The following BIN3 variants were observed in gnomAD, a reference collection of about 807,000 sequenced individuals.
BIN3 encodes bridging integrator 3.
BIN3 carries 41 observed loss-of-function variants against 38.2 expected under a neutral mutation model. The ratio of observed to expected loss-of-function variants is 1.07; its 90% CI spans 0.84 to 1.39. BIN3 has a LOEUF of 1.39. Among genes scored for constraint, BIN3 ranks in the 40% most tolerant of loss-of-function variants. The pLI is 0.00. For missense variants in BIN3, 361 were observed against 324.3 expected (o/e 1.11, Z -0.87); for synonymous variants, 145 against 122.6 (o/e 1.18, Z -1.21).
At chr8:22,656,928 T>A (rs1025642704) in intron 1 of BIN3, among the ~76,000 whole-genome samples, 3 of 152,202 alleles carry the variant, frequency 2.0e-5, no homozygotes, top group Non-Finnish European at 2.9e-5. Context: ...TGTGTGAATG[T>A]CCTGCTTTCT....
At chr8:22,644,127 G>GCTTCCA (rs1295614338) in intron 2 of BIN3, among the ~76,000 whole-genome samples, 11 of 152,374 alleles carry the variant, frequency 7.2e-5, no homozygotes, top group Non-Finnish European at 1.0e-4. Flanking sequence ...AAAATCAGGA[G>GCTTCCA]GTTGGACTAG....
At position 22,642,423 on chromosome 8, in the gene BIN3, G is replaced by C. The variant is rs1001839117; in HGVS notation, c.57+2332C>G. On this transcript the variant is annotated intron_variant, in intron 2 of 8. Transcript: ENST00000276416. Reference sequence around the variant, plus strand: ...GCCTCTGGGGAGTGGAGGGGTATAGGCCAGGGAAGCAAATAACTACTCCGA... The same window carrying C: ...GCCTCTGGGGAGTGGAGGGGTATAGCCCAGGGAAGCAAATAACTACTCCGA... Among the ~76,000 whole-genome samples the C allele has an allele frequency of 5.9e-5, 9 of 152,334 alleles. No individual in the cohort carries two copies. The East Asian group carries it at 1.7e-3, about 29-fold the overall frequency.
intron 2 of BIN3, among the ~76,000 whole-genome samples, chr8:22,643,975 G>A (rs991557980): frequency 6.6e-6 from 1 of 152,246 alleles, no homozygotes; most frequent in African/African-American, 2.4e-5. Context: ...GGGCTTCACT[G>A]CCCAGGGAAG....
intron 2 of BIN3, among the ~76,000 whole-genome samples, chr8:22,638,370 T>C (rs1318748793): frequency 1.3e-5 from 2 of 152,236 alleles, no homozygotes; most frequent in African/African-American, 4.8e-5. Flanking sequence ...CAGGACATTC[T>C]GGTGGCAATG....
intron 1 of BIN3, 124 bp from the exon 2 acceptor site, chr8:22,644,927 T>C: frequency 1.3e-6 from 1 of 794,490 alleles, no homozygotes; most frequent in South Asian, 1.5e-5. Flanking sequence ...GGCTTGCTAC[T>C]TGGACCATGT....
intron 1 of BIN3, among the ~76,000 whole-genome samples, chr8:22,650,096 C>G (rs1277723657): frequency 6.6e-6 from 1 of 152,084 alleles, no homozygotes; most frequent in African/African-American, 2.4e-5. Context: ...GTAACCTCAT[C>G]ACTTACTGCT....
chr8:22,652,981 C>G (rs2117579380), intron 1 of BIN3, among the ~76,000 whole-genome samples: 1 of 152,222 alleles, frequency 6.6e-6, no homozygotes, highest in Middle Eastern at 3.4e-3. Flanking sequence ...TTTAGAAGAG[C>G]CTTTTTCAGC....
Position 22,621,475 on chromosome 8 carries a change from TCTCCCG to T in BIN3, c.703_708del (p.Arg235_Glu236del), listed in dbSNP as rs767672797. On this transcript the variant is annotated inframe_deletion, in exon 9 of 9. Transcript: ENST00000276416. Reference sequence around the variant, plus strand: ...CGGAGCTCACTGAGTTTGGCCTCGTTCTCCCGCTCCCGCTGCTCATCGGAGTGGCCT... The same window carrying T: ...CGGAGCTCACTGAGTTTGGCCTCGTTCTCCCGCTGCTCATCGGAGTGGCCT... 8 of 1,613,748 alleles carry T rather than the reference TCTCCCG, an allele frequency of 5.0e-6. No individual in the cohort carries two copies. The highest frequency in any genetic ancestry group is 3.3e-5 in the Admixed American group (2 of 60,004).
intron 1 of BIN3, among the ~76,000 whole-genome samples, chr8:22,649,246 A>C (rs1802805501): frequency 6.6e-6 from 1 of 152,128 alleles, no homozygotes. Context: ...ACAAATGGCT[A>C]CCCCACCTAT....
intron 1 of BIN3, among the ~76,000 whole-genome samples, chr8:22,649,287 T>C (rs1308068470): frequency 6.6e-6 from 1 of 152,214 alleles, no homozygotes; most frequent in African/African-American, 2.4e-5. Context: ...CCAGGAAAAC[T>C]TCTCACCTTC....
At chr8:22,625,217 C>T (rs1801966637) in intron 6 of BIN3, 3 of 674,364 alleles carry the variant, frequency 4.4e-6, no homozygotes, top group African/African-American at 1.8e-5. Flanking sequence ...ATCATGTGTC[C>T]TCTAGTGACC....
chr8:22,624,157 G>C, intron 7 of BIN3, 65 bp downstream of exon 7: 2 of 1,590,912 alleles, frequency 1.3e-6, no homozygotes, highest in Non-Finnish European at 1.7e-6. Flanking sequence ...TGAGGGGAGG[G>C]ACTTACCACA....
intron 1 of BIN3, among the ~76,000 whole-genome samples, chr8:22,651,702 A>AAG (rs1374168272): frequency 2.0e-5 from 3 of 152,128 alleles, no homozygotes; most frequent in Admixed American, 2.0e-4. Context: ...CTTTGTATAT[A>AAG]ACCTGTTTTT....
intron 1 of BIN3, among the ~76,000 whole-genome samples, chr8:22,651,975 C>G (rs369875056): frequency 2.0e-5 from 3 of 148,002 alleles, no homozygotes; most frequent in African/African-American, 7.4e-5. Context: ...CATCTTCTAA[C>G]GCTTCTACCA....
intron 1 of BIN3, among the ~76,000 whole-genome samples, chr8:22,665,861 C>A (rs1002900285): frequency 6.6e-6 from 1 of 152,124 alleles, no homozygotes; most frequent in Non-Finnish European, 1.5e-5. Flanking sequence ...GTAGAAGACC[C>A]CGGAAGAGTC....
chr8:22,661,883 C>T (rs1803248085), intron 1 of BIN3, among the ~76,000 whole-genome samples: 1 of 151,824 alleles, frequency 6.6e-6, no homozygotes, highest in Admixed American at 6.6e-5. Context: ...CTCCACCTCC[C>T]AGGTTCAAAC....
chr8:22,644,834 G>A (rs1309058189), intron 1 of BIN3, 31 bp from the exon 2 acceptor site: 1 of 1,589,272 alleles, frequency 6.3e-7, no homozygotes, highest in African/African-American at 1.3e-5. Flanking sequence ...GAGAGATATT[G>A]TGAGAAGTGG....
At chr8:22,627,283 G>A (rs1563946118) in intron 6 of BIN3, among the ~76,000 whole-genome samples, 1 of 152,176 alleles carries the variant, frequency 6.6e-6, no homozygotes, top group Non-Finnish European at 1.5e-5. Flanking sequence ...TCAGGGCAGG[G>A]CGCAGCTTGT....
In BIN3 at chr8:22,644,606, A is replaced by C. The variant is rs140340825; in HGVS notation, c.57+149T>G. 70 of 720,150 alleles carry C rather than the reference A, an allele frequency of 9.7e-5. No individual in the cohort carries two copies. In the East Asian group the frequency reaches 1.8e-3, roughly 19 times the overall value. The allele number at this position is 720,150 out of a possible 1,614,324, so 44.6% of individuals were successfully genotyped here. ...AGGAGGCCCCTCTAAGCCTCAGTCT[A>C]TGTGAGGTTCTAGATCCGCATAAGC... On this transcript the variant is annotated intron_variant, in intron 2 of 8. Transcript: ENST00000276416.
Sources: gnomAD v4.1 joint callset for allele counts (sites outside exome capture counted in the v4.1 genomes callset) on GRCh38, gnomAD v4.1.1 for gene constraint, MANE v1.5 for transcripts, NCBI Gene and HGNC (gene_info 2026-07-23, HGNC 2026-07-21) for gene names.